The following MIPEP variants were observed in gnomAD, a reference collection of about 807,000 sequenced individuals.
MIPEP encodes mitochondrial intermediate peptidase.
Under a neutral mutation model 90.3 loss-of-function variants are expected in MIPEP, and 79 were observed. The observed-to-expected ratio is 0.87, with a 90% CI of 0.73 to 1.05. The LOEUF (loss-of-function observed/expected upper bound fraction) is 1.05, where lower values mean the gene tolerates loss of function less well. Among genes scored for constraint, MIPEP ranks in the 50% least tolerant of loss-of-function variants. The pLI, the probability that MIPEP is intolerant of heterozygous loss-of-function variation, is 0.00. For synonymous variants in MIPEP, 334 were observed against 315.8 expected, an observed-to-expected ratio of 1.06 and a Z score of -0.61; for missense variants, 940 against 905.6, an observed-to-expected ratio of 1.04 and a Z score of -0.49.
At chr13:23,799,072 C>T (rs1266116724) in intron 16 of MIPEP, among the ~76,000 whole-genome samples, 4 of 111,408 alleles carry the variant, frequency 3.6e-5, no homozygotes, top group African/African-American at 1.1e-4. Context: ...GGTGTGATTT[C>T]GGCTCACTGC....
intron 18 of MIPEP, among the ~76,000 whole-genome samples, chr13:23,737,304 C>T (rs1952276969): frequency 6.6e-6 from 1 of 152,186 alleles, no homozygotes; most frequent in African/African-American, 2.4e-5. Context: ...CATGTAACGA[C>T]CAAGAGCCTC....
chr13:23,796,440 A>AT (rs369204826), intron 16 of MIPEP, among the ~76,000 whole-genome samples: 22 of 152,166 alleles, frequency 1.4e-4, no homozygotes, highest in African/African-American at 4.8e-4. Flanking sequence ...ACAAACAAAA[A>AT]TTGACTATCA....
At chr13:23,840,553 T>C (rs926766134) in intron 11 of MIPEP, among the ~76,000 whole-genome samples, 2 of 152,224 alleles carry the variant, frequency 1.3e-5, no homozygotes, top group South Asian at 2.1e-4. Context: ...TTTTGGAAGT[T>C]TGTAATACAG....
chr13:23,763,795 C>G (rs537298965), intron 16 of MIPEP, among the ~76,000 whole-genome samples: 1 of 152,270 alleles, frequency 6.6e-6, no homozygotes, highest in East Asian at 1.9e-4. Context: ...TCTTTAATTA[C>G]AGGTTTGGGT....
At position 23,730,432 on chromosome 13, in the gene MIPEP, C is replaced by T. The variant is rs1284863723; in HGVS notation, c.2058G>A (p.Lys686=). The T allele has an allele frequency of 2.5e-6, 4 of 1,611,084 alleles. No individual in the cohort carries two copies. The highest frequency in any genetic ancestry group is 3.3e-5 in the Admixed American group (2 of 59,986). Residue 686 remains lysine, a synonymous_variant, in exon 19 of 19, where the codon AAG becomes AAA. Coordinates refer to ENST00000382172, the MANE Select transcript of MIPEP (RefSeq NM_005932.4). ...TTACGAAGTCATCAACAGAAGGACA[C>T]TTCTGAAGCATACCTGCAAACAAAG... is the stretch of plus-strand genomic sequence containing the variant. ...PMLMVEGMLQ[K]CPSVDDFVSA...
chr13:23,767,744 G>GC (rs1565986747), intron 16 of MIPEP, among the ~76,000 whole-genome samples: 3 of 152,052 alleles, frequency 2.0e-5, no homozygotes, highest in African/African-American at 7.2e-5. Context: ...GAGCCACCAC[G>GC]CCTGGCCCTT....
At chr13:23,785,102 C>G (rs1952824164) in intron 16 of MIPEP, among the ~76,000 whole-genome samples, 1 of 151,886 alleles carries the variant, frequency 6.6e-6, no homozygotes. Context: ...AGATCTAGAA[C>G]TAGAAATACC....
At chr13:23,776,930 A>T (rs977037433) in intron 16 of MIPEP, among the ~76,000 whole-genome samples, 1 of 152,200 alleles carries the variant, frequency 6.6e-6, no homozygotes, top group East Asian at 1.9e-4. Flanking sequence ...ATATGTACAT[A>T]TACACCTAAA....
At chr13:23,799,948 T>TA (rs1446145349) in intron 16 of MIPEP, among the ~76,000 whole-genome samples, 18 of 152,222 alleles carry the variant, frequency 1.2e-4, no homozygotes, top group African/African-American at 3.6e-4. Context: ...TGTAAATACT[T>TA]AGAGTGCTCA....
At chr13:23,743,918 G>T (rs986088859) in intron 18 of MIPEP, among the ~76,000 whole-genome samples, 1 of 152,088 alleles carries the variant, frequency 6.6e-6, no homozygotes, top group South Asian at 2.1e-4. Context: ...GGCTACGTTG[G>T]GTAAATATAT....
intron 10 of MIPEP, among the ~76,000 whole-genome samples, chr13:23,848,596 G>C (rs1349678758): frequency 6.6e-6 from 1 of 152,188 alleles, no homozygotes; most frequent in Non-Finnish European, 1.5e-5. Flanking sequence ...GAGAAGCTGG[G>C]AATGGGAGGA....
chr13:23,843,705 G>A (rs1476296836), intron 10 of MIPEP, among the ~76,000 whole-genome samples: 2 of 152,182 alleles, frequency 1.3e-5, no homozygotes, highest in Non-Finnish European at 2.9e-5. Flanking sequence ...AGGAGGCAGG[G>A]AGGGCTGACA....
intron 11 of MIPEP, among the ~76,000 whole-genome samples, chr13:23,840,317 T>C (rs892020547): frequency 2.0e-5 from 3 of 152,190 alleles, no homozygotes; most frequent in Non-Finnish European, 2.9e-5. Context: ...TGCAAGTATA[T>C]ATTTATTGTT....
intron 7 of MIPEP, among the ~76,000 whole-genome samples, chr13:23,867,948 AAAT>A (rs1292678958): frequency 2.7e-5 from 4 of 147,702 alleles, no homozygotes; most frequent in African/African-American, 1.0e-4. Context: ...TATAAATATA[AAAT>A]AAAAATATGG....
intron 14 of MIPEP, among the ~76,000 whole-genome samples, chr13:23,810,753 T>C (rs75427984): frequency 0.11 from 16,289 of 152,322 alleles, 1,037 homozygotes; most frequent in Non-Finnish European, 0.14. Flanking sequence ...GTGGGCTGTC[T>C]GCTGGAAGCG....
chr13:23,748,914 A>C (rs1242700842), intron 18 of MIPEP, among the ~76,000 whole-genome samples: 4 of 152,222 alleles, frequency 2.6e-5, no homozygotes, highest in Non-Finnish European at 4.4e-5. Flanking sequence ...TTATTAAAAA[A>C]ATAAAAAGCA....
chr13:23,836,401 C>T, intron 13 of MIPEP, 52 bp from the exon 14 acceptor site: 2 of 1,108,232 alleles, frequency 1.8e-6, no homozygotes, highest in East Asian at 5.2e-5. Context: ...ATATATTTAT[C>T]TACTTTTTGT....
At chr13:23,794,375 G>A (rs532312741) in intron 16 of MIPEP, among the ~76,000 whole-genome samples, 16 of 152,196 alleles carry the variant, frequency 1.1e-4, no homozygotes, top group African/African-American at 3.6e-4. Context: ...CTCAACTGGA[G>A]CCTTCCTCAT....
intron 10 of MIPEP, among the ~76,000 whole-genome samples, chr13:23,853,210 A>G (rs1265462375): frequency 4.6e-5 from 7 of 152,196 alleles, no homozygotes; most frequent in Admixed American, 4.6e-4. Flanking sequence ...TATAAAGTCA[A>G]TAATGGTGTA....
Sources: gnomAD v4.1 joint callset for allele counts (sites outside exome capture counted in the v4.1 genomes callset) on GRCh38, gnomAD v4.1.1 for gene constraint, MANE v1.5 for transcripts, NCBI Gene and HGNC (gene_info 2026-07-23, HGNC 2026-07-21) for gene names.